CCDC178: variants seen among roughly 807,000 people sequenced by gnomAD.
The protein encoded by CCDC178 is coiled-coil domain-containing protein 178.
A neutral mutation model predicts 117.4 loss-of-function variants in CCDC178; 126 were observed. The observed-to-expected ratio is 1.07, with a 90% CI of 0.93 to 1.24. The LOEUF (loss-of-function observed/expected upper bound fraction) is 1.24. CCDC178 is among the 50% of genes most tolerant of loss of function. CCDC178 has a pLI of 0.00. For missense variants in CCDC178, 1,030 were observed against 986.9 expected (o/e 1.04, Z -0.59); for synonymous variants, 283 against 313.4 (o/e 0.90, Z 1.02).
At chr18:32,949,162 C>T (rs2054420371) in intron 22 of CCDC178, among the ~76,000 whole-genome samples, 1 of 152,018 alleles carries the variant, frequency 6.6e-6, no homozygotes, top group Non-Finnish European at 1.5e-5. Context: ...TTATCTGGCT[C>T]TTCTAAAGAT....
chr18:32,975,528 T>C (rs143504611), intron 21 of CCDC178, among the ~76,000 whole-genome samples: 111 of 152,260 alleles, frequency 7.3e-4, no homozygotes, highest in Non-Finnish European at 1.3e-3. Context: ...ATAAGGCATT[T>C]TCAAAGGGAT....
intron 20 of CCDC178, among the ~76,000 whole-genome samples, chr18:33,108,136 C>T (rs1309422444): frequency 1.3e-5 from 2 of 151,484 alleles, no homozygotes; most frequent in Admixed American, 6.6e-5. Context: ...CCTTTTTGAC[C>T]TATATCTTTA....
intron 21 of CCDC178, among the ~76,000 whole-genome samples, chr18:33,045,270 A>G (rs2056621725): frequency 6.6e-6 from 1 of 152,220 alleles, no homozygotes; most frequent in Admixed American, 6.5e-5. Flanking sequence ...CAATATTTAT[A>G]TAGTTCCTGA....
chr18:33,225,020 T>C, intron 16 of CCDC178, 84 bp from the exon 17 acceptor site: 4 of 957,020 alleles, frequency 4.2e-6, no homozygotes, highest in Non-Finnish European at 5.7e-6. Flanking sequence ...GGCAGTAATA[T>C]TTGTTTTTAT....
intron 21 of CCDC178, among the ~76,000 whole-genome samples, chr18:33,000,291 A>T (rs932576597): frequency 3.3e-5 from 5 of 152,058 alleles, no homozygotes; most frequent in Non-Finnish European, 7.4e-5. Context: ...AAATAATCAG[A>T]GGAGACAAAA....
chr18:33,394,943 G>GTATGTATATATATATATATATATATATA (rs1555697671), intron 4 of CCDC178, among the ~76,000 whole-genome samples: 1 of 61,498 alleles, frequency 1.6e-5, no homozygotes, highest in Non-Finnish European at 3.0e-5. Flanking sequence ...ATATGTATGT[G>GTATGTATATATATATATATATATATATA]TATATATATA....
chr18:33,213,509 G>A (rs1394471406), intron 19 of CCDC178, among the ~76,000 whole-genome samples: 2 of 151,932 alleles, frequency 1.3e-5, no homozygotes, highest in Admixed American at 1.3e-4. Context: ...GAAGGAGCTA[G>A]TGTGACCAAA....
chr18:33,198,278 C>A (rs1292840909), intron 20 of CCDC178, among the ~76,000 whole-genome samples: 1 of 152,182 alleles, frequency 6.6e-6, no homozygotes, highest in Non-Finnish European at 1.5e-5. Flanking sequence ...GTCTCTCTCT[C>A]TCTATCTATC....
At position 33,212,057 on chromosome 18, in the gene CCDC178, T is replaced by C. The variant is rs1333746758; in HGVS notation, c.2079-2A>G. On this transcript the variant is annotated splice_acceptor_variant, in intron 19 of 22. Transcript: ENST00000383096. LOFTEE classifies it high-confidence loss of function. ...AATCTCATAGTTATAAATTTGTTCCTGTGAAGAAAGAATTCCATGTGCCAC... is the reference window on the plus strand; with the variant it reads ...AATCTCATAGTTATAAATTTGTTCCCGTGAAGAAAGAATTCCATGTGCCAC... 4 of 1,562,676 alleles carry C rather than the reference T, an allele frequency of 2.6e-6. No individual in the cohort carries two copies. In the African/African-American group the frequency reaches 5.6e-5, roughly 22 times the overall value.
intron 20 of CCDC178, among the ~76,000 whole-genome samples, chr18:33,120,008 G>A (rs1323982217): frequency 6.6e-6 from 1 of 151,958 alleles, no homozygotes; most frequent in African/African-American, 2.4e-5. Context: ...ACACAGGAAG[G>A]GGAACATCAC....
Position 33,030,673 on chromosome 18 carries a change from G to T in CCDC178, c.2389-55992C>A, listed in dbSNP as rs1384772851. 1.3e-5 allele frequency among the ~76,000 whole-genome samples: 2 copies of T among 151,084 alleles called. 1 individual carries two copies. The highest frequency in any genetic ancestry group is 3.0e-5 in the Non-Finnish European group (2 of 67,718). On this transcript the variant is annotated intron_variant, in intron 21 of 22. Transcript: ENST00000383096. Reference sequence around the variant, plus strand: ...TAGATGATAGATGATAGATAAGAAGGTAGATAGATGTAGATATAGATATGA... The same window carrying T: ...TAGATGATAGATGATAGATAAGAAGTTAGATAGATGTAGATATAGATATGA...
intron 3 of CCDC178, among the ~76,000 whole-genome samples, chr18:33,411,376 C>T (rs1465230680): frequency 6.6e-6 from 1 of 152,054 alleles, no homozygotes; most frequent in African/African-American, 2.4e-5. Flanking sequence ...TTTCTTTTCA[C>T]AACTCCTTAC....
chr18:33,135,561 T>TA (rs1465655868), intron 20 of CCDC178, among the ~76,000 whole-genome samples: 1 of 152,146 alleles, frequency 6.6e-6, no homozygotes, highest in Non-Finnish European at 1.5e-5. Context: ...GAGAAGAAAG[T>TA]AAAAGTCACA....
chr18:33,157,565 AC>A (rs1237559117), intron 20 of CCDC178, among the ~76,000 whole-genome samples: 5 of 152,186 alleles, frequency 3.3e-5, no homozygotes, highest in Non-Finnish European at 7.4e-5. Context: ...TTTATAAAAA[AC>A]AATCTAACAG....
chr18:33,309,089 T>C (rs567704016), intron 11 of CCDC178, among the ~76,000 whole-genome samples: 1 of 152,270 alleles, frequency 6.6e-6, no homozygotes, highest in South Asian at 2.1e-4. Flanking sequence ...TTAATAATTA[T>C]TTTATATTTA....
intron 20 of CCDC178, among the ~76,000 whole-genome samples, chr18:33,109,278 AAGG>A (rs1051860815): frequency 2.0e-5 from 3 of 151,652 alleles, no homozygotes; most frequent in African/African-American, 7.3e-5. Context: ...TAGATAACAC[AAGG>A]AGAATAAACT....
chr18:33,365,401 T>G (rs1226304829), intron 6 of CCDC178, among the ~76,000 whole-genome samples: 2 of 152,106 alleles, frequency 1.3e-5, no homozygotes, highest in Non-Finnish European at 2.9e-5. Flanking sequence ...CGGATGTGCT[T>G]AGAGCTCGGA....
chr18:33,244,883 T>C (rs961443906), intron 15 of CCDC178, among the ~76,000 whole-genome samples: 6 of 151,948 alleles, frequency 3.9e-5, no homozygotes, highest in African/African-American at 1.4e-4. Flanking sequence ...ATTCTCACAT[T>C]ACATAAGGTA....
chr18:33,211,602 A>G (rs2059108633), intron 20 of CCDC178, among the ~76,000 whole-genome samples: 1 of 151,702 alleles, frequency 6.6e-6, no homozygotes, highest in South Asian at 2.1e-4. Flanking sequence ...TTAAAAGCAT[A>G]AAAGGACTCT....
Sources: gnomAD v4.1 joint callset for allele counts (sites outside exome capture counted in the v4.1 genomes callset) on GRCh38, gnomAD v4.1.1 for gene constraint, MANE v1.5 for transcripts, NCBI Gene and HGNC (gene_info 2026-07-23, HGNC 2026-07-21) for gene names.